The following SAMMSON variants were observed in gnomAD, a reference collection of about 807,000 sequenced individuals.
SAMMSON encodes the protein survival associated mitochondrial melanoma specific oncogenic non-coding RNA.
At chr3:70,056,945 C>T (rs1303373561) in intron 3 of SAMMSON, among the ~76,000 whole-genome samples, 1 of 151,944 alleles carries the variant, frequency 6.6e-6, no homozygotes, top group Non-Finnish European at 1.5e-5. Context: ...GGCATTTAGT[C>T]AACTAATCAG....
intron 2 of SAMMSON, among the ~76,000 whole-genome samples, chr3:70,422,730 T>C (rs1382828853): frequency 6.6e-6 from 1 of 152,014 alleles, no homozygotes; most frequent in Non-Finnish European, 1.5e-5. Context: ...GTGCAGAATG[T>C]AGTGTTTTTC....
At chr3:70,121,467 C>CA (rs58438733) in intron 4 of SAMMSON, among the ~76,000 whole-genome samples, 19,249 of 148,848 alleles carry the variant, frequency 0.13, 1,595 homozygotes, top group African/African-American at 0.23. Context: ...CCAAGCAAGG[C>CA]AAAAAAAAAT....
intron 3 of SAMMSON, among the ~76,000 whole-genome samples, chr3:70,026,216 G>A (rs2067036504): frequency 1.3e-5 from 2 of 152,150 alleles, no homozygotes; most frequent in African/African-American, 4.8e-5. Context: ...CTGCTCTCCA[G>A]ACATTGAATA....
At chr3:70,288,276 T>G (rs1376282383) in intron 6 of SAMMSON, among the ~76,000 whole-genome samples, 1 of 120,528 alleles carries the variant, frequency 8.3e-6, no homozygotes, top group African/African-American at 3.3e-5. Flanking sequence ...TCTCGTTGGT[T>G]TCAAAGAACA....
At chr3:70,093,294 A>C (rs1395675082) in intron 4 of SAMMSON, among the ~76,000 whole-genome samples, 2 of 152,200 alleles carry the variant, frequency 1.3e-5, no homozygotes, top group African/African-American at 4.8e-5. Flanking sequence ...TTCCCACAGC[A>C]GGTTTATGGG....
chr3:70,237,979 C>CTTTTTTTTTTTTTTTTTTTTT lies in SAMMSON; in HGVS notation n.508-11122_508-11102dup, dbSNP rs71672662. Among the ~76,000 whole-genome samples, 144 of 48,942 alleles carry CTTTTTTTTTTTTTTTTTTTTT rather than the reference C, an allele frequency of 2.9e-3. 48 individuals are homozygous for CTTTTTTTTTTTTTTTTTTTTT. Among genetic ancestry groups the CTTTTTTTTTTTTTTTTTTTTT allele is most frequent in the South Asian group, 8.5e-3 (6 of 710 alleles). The allele number at this position is 48,942 out of a possible 152,430, so 32.1% of individuals were successfully genotyped here. On this transcript the variant is annotated intron_variant and non_coding_transcript_variant, in intron 4 of 9. Transcript: ENST00000642114. ...GGAAAAGAAACTAATTGAGTGGTAT[C>CTTTTTTTTTTTTTTTTTTTTT]TTTTTTTTTTTTTTTTTTTTTTTTT...
chr3:70,173,130 A>T (rs1467607467), intron 4 of SAMMSON, among the ~76,000 whole-genome samples: 1 of 151,960 alleles, frequency 6.6e-6, no homozygotes, highest in Admixed American at 6.6e-5. Flanking sequence ...TTCTTCTTGG[A>T]TAAATATAAG....
intron 7 of SAMMSON, among the ~76,000 whole-genome samples, chr3:70,349,296 C>T (rs563976593): frequency 5.3e-5 from 8 of 151,984 alleles, no homozygotes; most frequent in Non-Finnish European, 8.8e-5. Flanking sequence ...ATTGCTTGAA[C>T]GCAGGAGGCA....
At chr3:70,407,046 A>G (rs1215177074) in intron 2 of SAMMSON, among the ~76,000 whole-genome samples, 3 of 152,216 alleles carry the variant, frequency 2.0e-5, no homozygotes, top group African/African-American at 7.2e-5. Flanking sequence ...AGAGAAAATG[A>G]GGAAGATGCA....
At chr3:70,031,071 G>A (rs190057567) in intron 3 of SAMMSON, among the ~76,000 whole-genome samples, 12 of 152,136 alleles carry the variant, frequency 7.9e-5, no homozygotes, top group African/African-American at 2.2e-4. Flanking sequence ...TAAAAACAAG[G>A]ACTCAAACAG....
chr3:70,285,190 A>G (rs189260218), intron 6 of SAMMSON, among the ~76,000 whole-genome samples: 3,044 of 143,234 alleles, frequency 0.021, 63 homozygotes, highest in South Asian at 0.075. Flanking sequence ...TATACCTCCC[A>G]ATGCTATCCC....
chr3:70,020,945 C>A (rs2067010849), intron 3 of SAMMSON, among the ~76,000 whole-genome samples: 1 of 152,102 alleles, frequency 6.6e-6, no homozygotes, highest in South Asian at 2.1e-4. Context: ...AATGGCAGAA[C>A]CAAGTTCTGA....
At chr3:70,278,019 A>G (rs1222586740) in intron 6 of SAMMSON, among the ~76,000 whole-genome samples, 1 of 152,178 alleles carries the variant, frequency 6.6e-6, no homozygotes, top group Non-Finnish European at 1.5e-5. Context: ...CCGTTTTTAC[A>G]AACGTGTACA....
intron 6 of SAMMSON, among the ~76,000 whole-genome samples, chr3:70,265,850 G>C (rs1295500017): frequency 1.3e-5 from 2 of 152,152 alleles, no homozygotes; most frequent in African/African-American, 2.4e-5. Context: ...GGAAATGCCA[G>C]ACACTTATAA....
At chr3:70,409,024 A>G (rs1230036776) in intron 2 of SAMMSON, among the ~76,000 whole-genome samples, 1 of 152,120 alleles carries the variant, frequency 6.6e-6, no homozygotes, top group African/African-American at 2.4e-5. Flanking sequence ...CATCAGATCT[A>G]CTGAGACTTA....
chr3:70,137,711 AT>A (rs1482956260), intron 4 of SAMMSON: 1 of 152,214 alleles, frequency 6.6e-6, no homozygotes, highest in Non-Finnish European at 1.5e-5. Flanking sequence ...AGAATAATTA[AT>A]TTTAACATTT....
At chr3:70,290,403 G>A (rs1019151828) in intron 6 of SAMMSON, among the ~76,000 whole-genome samples, 2 of 152,204 alleles carry the variant, frequency 1.3e-5, no homozygotes, top group Non-Finnish European at 2.9e-5. Flanking sequence ...CACTTGAGGA[G>A]GCAGTCTGCC....
intron 3 of SAMMSON, among the ~76,000 whole-genome samples, chr3:70,048,164 C>T (rs905007608): frequency 1.3e-5 from 2 of 151,908 alleles, no homozygotes; most frequent in Admixed American, 1.3e-4. Context: ...ACTGTGCTAC[C>T]GGCTGTGAAT....
chr3:70,245,834 G>A (rs992593027), intron 4 of SAMMSON, among the ~76,000 whole-genome samples: 2 of 150,418 alleles, frequency 1.3e-5, no homozygotes, highest in Non-Finnish European at 3.0e-5. Context: ...TTTTTTGAAT[G>A]TCTACTGATG....
Sources: allele counts gnomAD v4.1 joint callset (sites outside exome capture counted in the v4.1 genomes callset), GRCh38; gene constraint gnomAD v4.1.1; transcripts MANE v1.5; gene names NCBI Gene and HGNC (gene_info 2026-07-23, HGNC 2026-07-21).